SYT1: variants seen among roughly 807,000 people sequenced by gnomAD.
SYT1 encodes synaptotagmin-1.
In SYT1, 8 loss-of-function variants were observed where a neutral mutation model predicts 44.8. The observed-to-expected ratio is 0.18, with a 90% confidence interval of 0.10 to 0.32. The LOEUF (loss-of-function observed/expected upper bound fraction) is 0.32. Ranked by LOEUF, SYT1 falls within the 10% of genes least tolerant of loss-of-function variation. SYT1 has a pLI of 1.00. For synonymous variants in SYT1, 154 were observed against 188.8 expected, an observed-to-expected ratio of 0.82 and a Z score of 1.51; for missense variants, 286 against 509.3, an observed-to-expected ratio of 0.56 and a Z score of 4.22.
rs570103757 is a variant in SYT1, at chr12:79,368,643, G to A, written c.928+15024G>A. On this transcript the variant is annotated intron_variant, in intron 9 of 10. Coordinates refer to ENST00000261205, the MANE Select transcript of SYT1 (RefSeq NM_005639.3). ...TGGTTTTGATTTGCATTTCTCTGAC[G>A]GCCAGTGATGGTGAGCATTTTTTCA... Among the ~76,000 whole-genome samples the A allele has an allele frequency of 4.8e-3, 720 of 151,530 alleles. 4 individuals are homozygous for A. The highest frequency in any genetic ancestry group is 0.016 in the African/African-American group (666 of 41,230).
chr12:79,072,777 C>A (rs1302314539), intron 3 of SYT1, among the ~76,000 whole-genome samples: 4 of 152,040 alleles, frequency 2.6e-5, no homozygotes, highest in Admixed American at 2.6e-4. Flanking sequence ...ACGATTAATT[C>A]ATTCAATTTA....
At chr12:79,194,125 T>C (rs2138463217) in intron 3 of SYT1, among the ~76,000 whole-genome samples, 1 of 152,260 alleles carries the variant, frequency 6.6e-6, no homozygotes, top group African/African-American at 2.4e-5. Flanking sequence ...TCTAAATAAC[T>C]TTTGCAAATA....
intron 9 of SYT1, among the ~76,000 whole-genome samples, chr12:79,395,636 C>T (rs1173828573): frequency 6.6e-6 from 1 of 152,056 alleles, no homozygotes; most frequent in African/African-American, 2.4e-5. Flanking sequence ...AATCTCCTGC[C>T]TTGGCCTCCC....
intron 1 of SYT1, among the ~76,000 whole-genome samples, chr12:78,945,784 G>C (rs1878624575): frequency 6.6e-6 from 1 of 152,016 alleles, no homozygotes; most frequent in South Asian, 2.1e-4. Flanking sequence ...ATTGTGCCCG[G>C]TCCACCCTTA....
intron 9 of SYT1, 46 bp downstream of exon 9, chr12:79,353,665 G>A (rs367875821): frequency 1.2e-5 from 16 of 1,386,400 alleles, no homozygotes; most frequent in East Asian, 2.3e-5. Context: ...CTGTTTCGTC[G>A]TGGATACCAA....
chr12:79,044,547 T>G (rs905929240), intron 2 of SYT1, among the ~76,000 whole-genome samples: 1 of 142,606 alleles, frequency 7.0e-6, no homozygotes, highest in African/African-American at 2.7e-5. Context: ...TTTTCAAAGT[T>G]TTCAACTTCT....
intron 9 of SYT1, among the ~76,000 whole-genome samples, chr12:79,370,766 A>G (rs1454808812): frequency 6.6e-6 from 1 of 151,948 alleles, no homozygotes; most frequent in Non-Finnish European, 1.5e-5. Context: ...CCGTCTCAAA[A>G]AATAATAATA....
chr12:78,902,165 A>G (rs1411518601), intron 1 of SYT1, among the ~76,000 whole-genome samples: 2 of 150,656 alleles, frequency 1.3e-5, no homozygotes, highest in African/African-American at 4.9e-5. Context: ...CTGCACATGT[A>G]CCCCAGAACT....
intron 1 of SYT1, among the ~76,000 whole-genome samples, chr12:78,898,977 T>G (rs1875512479): frequency 6.6e-6 from 1 of 152,092 alleles, no homozygotes; most frequent in Non-Finnish European, 1.5e-5. Flanking sequence ...TTGAGATATT[T>G]TATTCATTCA....
intron 1 of SYT1, among the ~76,000 whole-genome samples, chr12:78,933,383 A>T (rs935550059): frequency 1.3e-5 from 2 of 152,300 alleles, no homozygotes; most frequent in Non-Finnish European, 1.5e-5. Flanking sequence ...AGGAGCTAGA[A>T]CTTACTAAAT....
intron 3 of SYT1, among the ~76,000 whole-genome samples, chr12:79,084,947 G>C (rs1025285428): frequency 6.6e-6 from 1 of 151,918 alleles, no homozygotes; most frequent in Non-Finnish European, 1.5e-5. Context: ...TATACATAAA[G>C]GGATATCTTG....
In SYT1 at chr12:79,200,832, C is replaced by G. The variant is rs77614282; in HGVS notation, c.-17-16671C>G. On this transcript the variant is annotated intron_variant, in intron 3 of 10. Coordinates refer to ENST00000261205, the MANE Select transcript of SYT1 (RefSeq NM_005639.3). The stretch of plus-strand genomic sequence containing the variant: ...GCTGTTATCCAGATAATAACTGAAC[C>G]AATCTACATAATTCAGAAACATAAT... Among the ~76,000 whole-genome samples the G allele has an allele frequency of 3.8e-3, 583 of 152,230 alleles. 5 individuals carry two copies. The highest frequency in any genetic ancestry group is 7.0e-3 in the Non-Finnish European group (474 of 68,006).
chr12:79,058,663 C>G (rs1012915185), intron 3 of SYT1, among the ~76,000 whole-genome samples: 1 of 152,166 alleles, frequency 6.6e-6, no homozygotes, highest in East Asian at 1.9e-4. Context: ...TCCCGACCCC[C>G]ACACCACAAT....
chr12:78,930,062 C>A lies in SYT1; in HGVS notation c.-216-47737C>A, dbSNP rs138440510. ...AGCTGTTGATCCAGGGATAAAATTT[C>A]AGTTAAACTGGAGGAATAAGTTTTA... On this transcript the variant is annotated intron_variant, in intron 1 of 10. Coordinates refer to ENST00000261205, the MANE Select transcript of SYT1 (RefSeq NM_005639.3). Among the ~76,000 whole-genome samples, 1,096 of 152,166 alleles carry A rather than the reference C, an allele frequency of 7.2e-3. 14 individuals carry two copies. The highest frequency in any genetic ancestry group is 0.025 in the African/African-American group (1,038 of 41,510).
At chr12:79,307,625 G>A (rs1880464590) in intron 8 of SYT1, among the ~76,000 whole-genome samples, 1 of 150,918 alleles carries the variant, frequency 6.6e-6, no homozygotes, top group Non-Finnish European at 1.5e-5. Flanking sequence ...TGGGGGTGGG[G>A]GTGGGGGGGC....
chr12:79,189,910 AT>A (rs1873013737), intron 3 of SYT1, among the ~76,000 whole-genome samples: 1 of 152,190 alleles, frequency 6.6e-6, no homozygotes. Flanking sequence ...TCTCAAAAAA[AT>A]AAATATAAAT....
At chr12:79,266,971 C>T (rs1489967099) in intron 4 of SYT1, among the ~76,000 whole-genome samples, 1 of 152,124 alleles carries the variant, frequency 6.6e-6, no homozygotes, top group Non-Finnish European at 1.5e-5. Context: ...AAGACTCAAA[C>T]GCCCTGTTCT....
At chr12:79,311,149 G>T (rs952269972) in intron 8 of SYT1, among the ~76,000 whole-genome samples, 12 of 152,142 alleles carry the variant, frequency 7.9e-5, no homozygotes, top group African/African-American at 2.7e-4. Flanking sequence ...TTGGCTGTGG[G>T]TTTGTCATAG....
intron 3 of SYT1, among the ~76,000 whole-genome samples, chr12:79,092,896 T>C (rs1170187366): frequency 1.3e-5 from 2 of 151,696 alleles, no homozygotes; most frequent in Admixed American, 6.6e-5. Flanking sequence ...AACAAGTCAT[T>C]GACAAGGAAA....
Sources: allele counts gnomAD v4.1 joint callset (sites outside exome capture counted in the v4.1 genomes callset), GRCh38; gene constraint gnomAD v4.1.1; transcripts MANE v1.5; gene names NCBI Gene and HGNC (gene_info 2026-07-23, HGNC 2026-07-21).